SPIRE1: variants seen among roughly 807,000 people sequenced by gnomAD.
The protein encoded by SPIRE1 is protein spire homolog 1.
In SPIRE1, 40 loss-of-function variants were observed where a neutral mutation model predicts 94.1. The ratio of observed to expected loss-of-function variants is 0.43; its 90% CI spans 0.33 to 0.55. The LOEUF (loss-of-function observed/expected upper bound fraction) is 0.55, where lower values mean the gene tolerates loss of function less well. Among genes scored for constraint, SPIRE1 ranks in the 20% least tolerant of loss-of-function variants. The pLI, the probability that SPIRE1 is intolerant of heterozygous loss-of-function variation, is 0.06. For missense variants in SPIRE1, 838 were observed against 975.2 expected (o/e 0.86, Z 1.87); for synonymous variants, 376 against 371.7 (o/e 1.01, Z -0.13).
At chr18:12,609,321 A>G (rs2037073916) in intron 2 of SPIRE1, among the ~76,000 whole-genome samples, 1 of 152,228 alleles carries the variant, frequency 6.6e-6, no homozygotes, top group African/African-American at 2.4e-5. Flanking sequence ...ATCAAGGACT[A>G]TCGAGAGCCA....
At chr18:12,626,676 A>T (rs1427666694) in intron 2 of SPIRE1, among the ~76,000 whole-genome samples, 1 of 136,122 alleles carries the variant, frequency 7.3e-6, no homozygotes, top group Non-Finnish European at 1.7e-5. Context: ...TAAAGAAAAG[A>T]CAAATATATG....
chr18:12,516,683 T>C (rs1230062562), intron 4 of SPIRE1, among the ~76,000 whole-genome samples: 1 of 152,248 alleles, frequency 6.6e-6, no homozygotes, highest in East Asian at 1.9e-4. Flanking sequence ...TATGAGTTCA[T>C]GCTTTTATGT....
chr18:12,555,107 T>C (rs1228522941), intron 2 of SPIRE1, among the ~76,000 whole-genome samples: 1 of 152,140 alleles, frequency 6.6e-6, no homozygotes, highest in African/African-American at 2.4e-5. Context: ...TCCCTGTATA[T>C]AAACCCCTAA....
At chr18:12,476,564 A>AAAT (rs1568194404) in intron 10 of SPIRE1, among the ~76,000 whole-genome samples, 35 of 69,858 alleles carry the variant, frequency 5.0e-4, no homozygotes, top group Non-Finnish European at 6.8e-4. Flanking sequence ...AAAAAAAAAA[A>AAAT]ATATATATAT....
chr18:12,639,382 C>G (rs570431731), intron 1 of SPIRE1, among the ~76,000 whole-genome samples: 44 of 152,276 alleles, frequency 2.9e-4, no homozygotes, highest in African/African-American at 1.1e-3. Context: ...CAGAACTTGT[C>G]AAGTGTAAAT....
chr18:12,497,144 T>G (rs993789213), intron 6 of SPIRE1, among the ~76,000 whole-genome samples: 1 of 152,082 alleles, frequency 6.6e-6, no homozygotes, highest in African/African-American at 2.4e-5. Context: ...AAACCAGGGA[T>G]AAGATTCACA....
chr18:12,538,653 G>C (rs1462031094), intron 3 of SPIRE1, among the ~76,000 whole-genome samples: 1 of 152,016 alleles, frequency 6.6e-6, no homozygotes, highest in Non-Finnish European at 1.5e-5. Flanking sequence ...AAGTCACAAA[G>C]ACAGCTCAAA....
intron 2 of SPIRE1, among the ~76,000 whole-genome samples, chr18:12,590,103 T>C (rs1212479122): frequency 2.0e-5 from 3 of 149,052 alleles, no homozygotes. Context: ...TTTTTTTTTT[T>C]TGAGACGGAG....
chr18:12,536,384 G>A (rs1242066723), intron 3 of SPIRE1, among the ~76,000 whole-genome samples: 4 of 152,160 alleles, frequency 2.6e-5, no homozygotes, highest in Non-Finnish European at 5.9e-5. Flanking sequence ...GCTAAGAGGA[G>A]TCACATGACT....
rs548620780 is a variant in SPIRE1, at chr18:12,627,840, C to T, written c.372+7222G>A. On this transcript the variant is annotated intron_variant, in intron 2 of 16. Transcript: ENST00000409402. ...GAGCATTTTCTAATGTGTCTGTTGGCTGCATAAATGTCTTCTTTTGAGAAG... is the reference window on the plus strand; with the variant it reads ...GAGCATTTTCTAATGTGTCTGTTGGTTGCATAAATGTCTTCTTTTGAGAAG... Among the ~76,000 whole-genome samples the T allele has an allele frequency of 1.2e-4, 19 of 152,302 alleles. No homozygotes were observed. In the South Asian group the frequency reaches 3.5e-3, roughly 28 times the overall value.
chr18:12,569,296 A>G (rs1330684715), intron 2 of SPIRE1, among the ~76,000 whole-genome samples: 4 of 150,400 alleles, frequency 2.7e-5, no homozygotes, highest in South Asian at 2.1e-4. Context: ...AGCTGAGATC[A>G]CACCAATGCA....
chr18:12,546,043 G>A (rs934065233), intron 3 of SPIRE1, among the ~76,000 whole-genome samples: 4 of 152,104 alleles, frequency 2.6e-5, no homozygotes, highest in Non-Finnish European at 5.9e-5. Flanking sequence ...AGGCTGAAGT[G>A]CAGTGGCGTG....
At chr18:12,598,535 T>TA (rs2036743274) in intron 2 of SPIRE1, among the ~76,000 whole-genome samples, 1 of 152,006 alleles carries the variant, frequency 6.6e-6, no homozygotes, top group Non-Finnish European at 1.5e-5. Flanking sequence ...ATATTATCAA[T>TA]AAAACCTATT....
chr18:12,659,147 T>G (rs1189134455), upstream of SPIRE1, among the ~76,000 whole-genome samples: 2 of 152,182 alleles, frequency 1.3e-5, no homozygotes, highest in Admixed American at 6.5e-5. Context: ...CCCTACAGAG[T>G]GTTGAAAGCA....
At chr18:12,554,683 T>A (rs1392333400) in intron 2 of SPIRE1, among the ~76,000 whole-genome samples, 1 of 151,732 alleles carries the variant, frequency 6.6e-6, no homozygotes, top group Non-Finnish European at 1.5e-5. Flanking sequence ...AAAAGACACA[T>A]CAAAAAAAGA....
intron 3 of SPIRE1, among the ~76,000 whole-genome samples, chr18:12,539,402 G>A (rs2034941664): frequency 6.6e-6 from 1 of 152,236 alleles, no homozygotes; most frequent in Middle Eastern, 3.4e-3. Flanking sequence ...CGCCATGATT[G>A]TGAGGCCTCC....
At chr18:12,478,387 T>C (rs547829871) in intron 10 of SPIRE1, among the ~76,000 whole-genome samples, 9 of 146,512 alleles carry the variant, frequency 6.1e-5, no homozygotes, top group South Asian at 2.2e-4. Context: ...AGTGTGTGTG[T>C]GCGCATGTGC....
intron 10 of SPIRE1, among the ~76,000 whole-genome samples, chr18:12,466,085 GA>G (rs1448888482): frequency 7.2e-6 from 1 of 139,248 alleles, no homozygotes. Flanking sequence ...CTCCGTCTCA[GA>G]AAAAAAAAAG....
chr18:12,628,488 C>T (rs541181026), intron 2 of SPIRE1, among the ~76,000 whole-genome samples: 1 of 152,252 alleles, frequency 6.6e-6, no homozygotes, highest in Admixed American at 6.5e-5. Flanking sequence ...AGTACAATGC[C>T]TCCAGTTTTG....
Sources: gnomAD v4.1 joint callset for allele counts (sites outside exome capture counted in the v4.1 genomes callset) on GRCh38, gnomAD v4.1.1 for gene constraint, MANE v1.5 for transcripts, NCBI Gene and HGNC (gene_info 2026-07-23, HGNC 2026-07-21) for gene names.